Variants in DACH1 observed in about 807,000 individuals in gnomAD.
The protein encoded by DACH1 is dachshund homolog 1.
DACH1 carries 12 observed loss-of-function variants against 54.2 expected under a neutral mutation model. The ratio of observed to expected loss-of-function variants is 0.22; its 90% CI spans 0.14 to 0.36. The LOEUF is 0.36. DACH1 is among the 10% of genes least tolerant of loss of function. DACH1 has a pLI of 1.00. For synonymous variants in DACH1, 386 were observed against 366.2 expected (o/e 1.05, Z -0.62); for missense variants, 805 against 929.8 (o/e 0.87, Z 1.75).
chr13:71,705,790 C>A (rs554564496), intron 1 of DACH1, among the ~76,000 whole-genome samples: 1 of 151,874 alleles, frequency 6.6e-6, no homozygotes, highest in South Asian at 2.1e-4. Flanking sequence ...CAAGTCTTAT[C>A]TCTTCTGAGC....
At chr13:71,628,444 T>A (rs1876826269) in intron 3 of DACH1, among the ~76,000 whole-genome samples, 1 of 152,060 alleles carries the variant, frequency 6.6e-6, no homozygotes, top group Admixed American at 6.6e-5. Flanking sequence ...AGATATCTAA[T>A]ATAAATGACC....
chr13:71,532,694 T>TA (rs1355430930), intron 6 of DACH1, among the ~76,000 whole-genome samples: 1 of 151,930 alleles, frequency 6.6e-6, no homozygotes, highest in Non-Finnish European at 1.5e-5. Context: ...TTTAGGGAAA[T>TA]AGATTTAGGA....
chr13:71,833,930 C>G (rs1888683382), intron 1 of DACH1, among the ~76,000 whole-genome samples: 1 of 151,930 alleles, frequency 6.6e-6, no homozygotes, highest in Non-Finnish European at 1.5e-5. Flanking sequence ...TACACCCTAT[C>G]TAGGGTTGGA....
At chr13:71,516,749 G>T (rs1881188564) in intron 6 of DACH1, among the ~76,000 whole-genome samples, 1 of 151,754 alleles carries the variant, frequency 6.6e-6, no homozygotes, top group Admixed American at 6.6e-5. Flanking sequence ...ACTTGTAACA[G>T]CTGGTGTTAC....
intron 1 of DACH1, among the ~76,000 whole-genome samples, chr13:71,718,056 C>T (rs1304902294): frequency 6.6e-6 from 1 of 151,836 alleles, no homozygotes; most frequent in Non-Finnish European, 1.5e-5. Context: ...ACCTAGAAGG[C>T]CCCAGAAAAG....
At chr13:71,560,856 C>T (rs550794523) in intron 4 of DACH1, among the ~76,000 whole-genome samples, 1 of 152,092 alleles carries the variant, frequency 6.6e-6, no homozygotes, top group African/African-American at 2.4e-5. Flanking sequence ...AGACACAGGC[C>T]TTGATGAACT....
intron 10 of DACH1, among the ~76,000 whole-genome samples, chr13:71,445,034 G>A (rs541155605): frequency 5.3e-5 from 8 of 152,066 alleles, no homozygotes; most frequent in East Asian, 1.9e-4. Flanking sequence ...ACTCTATAGC[G>A]CTTATCTCAC....
intron 1 of DACH1, among the ~76,000 whole-genome samples, chr13:71,683,844 C>T (rs1413386823): frequency 1.3e-5 from 2 of 152,032 alleles, no homozygotes; most frequent in African/African-American, 4.8e-5. Flanking sequence ...TAGCCCATAT[C>T]TTTCTCCTGG....
At position 71,513,504 on chromosome 13, in the gene DACH1, T is replaced by C. The variant is rs140316833; in HGVS notation, c.1571-24356A>G. 2.0e-5 allele frequency among the ~76,000 whole-genome samples: 3 copies of C among 152,128 alleles called. No homozygotes were observed. In the East Asian group the frequency reaches 5.8e-4, roughly 29 times the overall value. On this transcript the variant is annotated intron_variant, in intron 6 of 10. Transcript: ENST00000613252. ...ATTCAGAAACTCTAATTTAGTATTA[T>C]ATTTATTTGTTTAGATTCAGTGTGT...
At chr13:71,864,265 C>A (rs1182612941) in intron 1 of DACH1, among the ~76,000 whole-genome samples, 1 of 151,752 alleles carries the variant, frequency 6.6e-6, no homozygotes, top group Non-Finnish European at 1.5e-5. Flanking sequence ...ACACCCAAGT[C>A]CCATGGAAGG....
At chr13:71,648,768 T>C (rs891461133) in intron 2 of DACH1, among the ~76,000 whole-genome samples, 2 of 152,188 alleles carry the variant, frequency 1.3e-5, no homozygotes, top group East Asian at 1.9e-4. Context: ...TTAGATGCCA[T>C]AGGACGCATA....
At chr13:71,600,390 A>T (rs944761328) in intron 3 of DACH1, among the ~76,000 whole-genome samples, 1 of 152,098 alleles carries the variant, frequency 6.6e-6, no homozygotes, top group Non-Finnish European at 1.5e-5. Flanking sequence ...CACACTATAT[A>T]TGCCCAAATC....
At chr13:71,606,910 C>T (rs1874920593) in intron 3 of DACH1, among the ~76,000 whole-genome samples, 1 of 151,974 alleles carries the variant, frequency 6.6e-6, no homozygotes, top group Non-Finnish European at 1.5e-5. Flanking sequence ...CATCCAGAAG[C>T]CTACCTTTAG....
intron 6 of DACH1, among the ~76,000 whole-genome samples, chr13:71,497,626 C>T (rs1879548077): frequency 6.6e-6 from 1 of 152,026 alleles, no homozygotes; most frequent in Non-Finnish European, 1.5e-5. Flanking sequence ...GCCACTGCGC[C>T]CCTGCTCTAA....
intron 6 of DACH1, among the ~76,000 whole-genome samples, chr13:71,555,372 C>G (rs892781108): frequency 6.6e-6 from 1 of 151,196 alleles, no homozygotes; most frequent in Non-Finnish European, 1.5e-5. Flanking sequence ...GACATGGACT[C>G]TCACTCTGTC....
rs543416144 is a variant in DACH1 at position 71,740,818 on chromosome 13, G to A, written c.849-58908C>T. 3.9e-5 allele frequency among the ~76,000 whole-genome samples: 6 copies of A among 152,202 alleles called. No homozygotes were observed. In the East Asian group the frequency reaches 1.2e-3, roughly 29 times the overall value. On this transcript the variant is annotated intron_variant, in intron 1 of 10. Transcript: ENST00000613252. ...ATGATGATATGATGTATAATATGTTGTCATTTTTCATACTGAAAACATAGA... is the reference window on the plus strand; with the variant it reads ...ATGATGATATGATGTATAATATGTTATCATTTTTCATACTGAAAACATAGA...
chr13:71,601,078 T>C lies in DACH1; in HGVS notation c.1127-28066A>G, dbSNP rs1035709171. Among the ~76,000 whole-genome samples the C allele has an allele frequency of 2.6e-5, 4 of 152,132 alleles. No homozygotes were observed. The East Asian group carries it at 5.8e-4, about 22-fold the overall frequency. ...CTGTGCCAAAGTAGGATTTGCTTTT[T>C]ATTCTCTATCTATCTAACAAAGATA... On this transcript the variant is annotated intron_variant, in intron 3 of 10. Coordinates refer to ENST00000613252, the MANE Select transcript of DACH1 (RefSeq NM_080759.6).
At chr13:71,564,640 T>C (rs990322050) in intron 4 of DACH1, among the ~76,000 whole-genome samples, 1 of 152,096 alleles carries the variant, frequency 6.6e-6, no homozygotes, top group East Asian at 1.9e-4. Flanking sequence ...AAATAAACAG[T>C]GTAAAATGTT....
At chr13:71,619,504 A>G (rs1876048790) in intron 3 of DACH1, among the ~76,000 whole-genome samples, 1 of 151,948 alleles carries the variant, frequency 6.6e-6, no homozygotes, top group African/African-American at 2.4e-5. Flanking sequence ...CAAAGCATCA[A>G]ATGGTTCATG....
Sources: gnomAD v4.1 joint callset for allele counts (sites outside exome capture counted in the v4.1 genomes callset) on GRCh38, gnomAD v4.1.1 for gene constraint, MANE v1.5 for transcripts, NCBI Gene and HGNC (gene_info 2026-07-23, HGNC 2026-07-21) for gene names.